Variants in ERBB4 observed in about 807,000 individuals in gnomAD.
The protein encoded by ERBB4 is erb-b2 receptor tyrosine kinase 4.
In ERBB4, 42 loss-of-function variants were observed where a neutral mutation model predicts 158.0. The observed-to-expected ratio is 0.27, with a 90% CI of 0.21 to 0.34. The LOEUF is 0.34. ERBB4 is among the 10% of genes least tolerant of loss of function. The pLI is 1.00. For synonymous variants in ERBB4, 583 were observed against 558.7 expected, an observed-to-expected ratio of 1.04 and a Z score of -0.61; for missense variants, 1,333 against 1,624.1, an observed-to-expected ratio of 0.82 and a Z score of 3.08.
chr2:211,859,653 C>T (rs1013114967), intron 3 of ERBB4, among the ~76,000 whole-genome samples: 1 of 152,034 alleles, frequency 6.6e-6, no homozygotes, highest in African/African-American at 2.4e-5. Flanking sequence ...ACAATTCCCT[C>T]GTTTTATTGT....
intron 1 of ERBB4, among the ~76,000 whole-genome samples, chr2:212,170,481 C>G (rs909167865): frequency 6.6e-6 from 1 of 152,110 alleles, no homozygotes; most frequent in African/African-American, 2.4e-5. Context: ...TAACAAGGAG[C>G]CAAATGTCAA....
chr2:211,806,462 AT>A (rs1165815565), intron 3 of ERBB4, among the ~76,000 whole-genome samples: 1 of 152,118 alleles, frequency 6.6e-6, no homozygotes, highest in Admixed American at 6.5e-5. Flanking sequence ...ACCCTTCACC[AT>A]TTTTTTAAGG....
At chr2:211,774,281 A>C (rs911599469) in intron 4 of ERBB4, among the ~76,000 whole-genome samples, 13 of 152,072 alleles carry the variant, frequency 8.5e-5, no homozygotes, top group Non-Finnish European at 1.6e-4. Context: ...CATGTTGGCC[A>C]GGCTGGTTTT....
intron 5 of ERBB4, among the ~76,000 whole-genome samples, chr2:211,741,452 T>TACACACACACACACAC (rs5838279): frequency 3.6e-4 from 51 of 143,292 alleles, no homozygotes; most frequent in South Asian, 1.6e-3. Context: ...TATGTAGTTA[T>TACACACACACACACAC]ACACACACAC....
intron 1 of ERBB4, among the ~76,000 whole-genome samples, chr2:212,235,454 T>C (rs936185724): frequency 3.9e-5 from 6 of 152,344 alleles, no homozygotes; most frequent in Non-Finnish European, 2.9e-5. Context: ...CTATCCGGGC[T>C]CTTTTTTCGT....
chr2:211,902,748 T>C (rs2079270936), intron 3 of ERBB4, among the ~76,000 whole-genome samples: 1 of 151,786 alleles, frequency 6.6e-6, no homozygotes, highest in African/African-American at 2.4e-5. Flanking sequence ...TTCTATATAC[T>C]TATCAGACTA....
chr2:211,890,307 G>C (rs1374784962), intron 3 of ERBB4, among the ~76,000 whole-genome samples: 1 of 125,096 alleles, frequency 8.0e-6, no homozygotes, highest in African/African-American at 3.2e-5. Flanking sequence ...GCCAAACTAA[G>C]CTTCATAAGT....
intron 19 of ERBB4, among the ~76,000 whole-genome samples, chr2:211,576,735 T>C (rs2067904292): frequency 6.6e-6 from 1 of 152,106 alleles, no homozygotes; most frequent in African/African-American, 2.4e-5. Flanking sequence ...TAAACATTAG[T>C]AATTATAATT....
intron 1 of ERBB4, among the ~76,000 whole-genome samples, chr2:212,514,460 T>C (rs1691711668): frequency 6.6e-6 from 1 of 152,218 alleles, no homozygotes; most frequent in Non-Finnish European, 1.5e-5. Context: ...TTGTCATGTA[T>C]ACCCATGAAA....
intron 1 of ERBB4, among the ~76,000 whole-genome samples, chr2:212,432,309 G>A (rs1245830094): frequency 2.0e-5 from 3 of 152,084 alleles, no homozygotes; most frequent in Non-Finnish European, 4.4e-5. Context: ...CTTCCAGAGT[G>A]TAATATTAAA....
intron 25 of ERBB4, among the ~76,000 whole-genome samples, chr2:211,393,740 C>CATGTGTGTGTGT (rs1391184856): frequency 2.7e-5 from 4 of 146,240 alleles, no homozygotes; most frequent in Non-Finnish European, 4.5e-5. Context: ...GAGTTAATAG[C>CATGTGTGTGTGT]GTGTGTGTGT....
intron 1 of ERBB4, among the ~76,000 whole-genome samples, chr2:212,379,327 C>A (rs1346134313): frequency 1.3e-5 from 2 of 151,624 alleles, no homozygotes; most frequent in Non-Finnish European, 3.0e-5. Context: ...CGTCAATATG[C>A]CAGTAACCAC....
At chr2:212,452,501 T>C (rs1688046135) in intron 1 of ERBB4, among the ~76,000 whole-genome samples, 1 of 152,154 alleles carries the variant, frequency 6.6e-6, no homozygotes, top group Admixed American at 6.6e-5. Flanking sequence ...GTCAGTGAAA[T>C]TTAATGGTAG....
At chr2:211,438,051 G>C (rs911868356) in intron 20 of ERBB4, among the ~76,000 whole-genome samples, 3 of 152,160 alleles carry the variant, frequency 2.0e-5, no homozygotes, top group Admixed American at 2.0e-4. Flanking sequence ...TTTTTAACCA[G>C]CAGAAGCTGG....
intron 19 of ERBB4, among the ~76,000 whole-genome samples, chr2:211,570,107 ACT>A (rs138180703): frequency 0.046 from 6,897 of 151,526 alleles, 215 homozygotes; most frequent in Non-Finnish European, 0.072. Context: ...TCCAAAAATT[ACT>A]CTTTTAGTTG....
intron 2 of ERBB4, among the ~76,000 whole-genome samples, chr2:211,958,107 C>T (rs761612430): frequency 2.6e-5 from 4 of 152,026 alleles, no homozygotes; most frequent in Non-Finnish European, 4.4e-5. Context: ...GACAAGCCTG[C>T]CAAGACACAC....
intron 12 of ERBB4, among the ~76,000 whole-genome samples, chr2:211,700,031 T>A (rs1278712315): frequency 1.3e-5 from 2 of 152,154 alleles, no homozygotes; most frequent in Non-Finnish European, 2.9e-5. Context: ...GAGGAAGAAT[T>A]TTTTTTCTGA....
intron 2 of ERBB4, among the ~76,000 whole-genome samples, chr2:211,977,520 G>C (rs1278690488): frequency 5.4e-5 from 1 of 18,404 alleles, no homozygotes; most frequent in Non-Finnish European, 1.5e-4. Context: ...ACTTTGTTAA[G>C]ATATTGACTT....
Position 211,883,653 on chromosome 2 carries a change from G to A in ERBB4, c.421+63777C>T, listed in dbSNP as rs935287065. On this transcript the variant is annotated intron_variant, in intron 3 of 27. Transcript: ENST00000342788. The stretch of plus-strand genomic sequence containing the variant: ...ATACAAAAATTATCCTGGCGTTGTC[G>A]TGGGCACCTATAATCCCAGGTACTT... 5.3e-5 allele frequency among the ~76,000 whole-genome samples: 8 copies of A among 152,026 alleles called. No homozygotes were observed. The East Asian group carries it at 1.2e-3, about 22-fold the overall frequency.
Sources: gnomAD v4.1 joint callset for allele counts (sites outside exome capture counted in the v4.1 genomes callset) on GRCh38, gnomAD v4.1.1 for gene constraint, MANE v1.5 for transcripts, NCBI Gene and HGNC (gene_info 2026-07-23, HGNC 2026-07-21) for gene names.